Variants in RFT1 observed in about 807,000 individuals in gnomAD.
RFT1 encodes man(5)GlcNAc(2)-PP-dolichol translocation protein RFT1.
Under a neutral mutation model 62.2 loss-of-function variants are expected in RFT1, and 43 were observed. The observed-to-expected ratio is 0.69, with a 90% CI of 0.54 to 0.89. RFT1 has a LOEUF of 0.89. Ranked by LOEUF, RFT1 falls within the 40% of genes least tolerant of loss-of-function variation. The pLI, the probability that RFT1 is intolerant of heterozygous loss-of-function variation, is 0.00. For synonymous variants in RFT1, 262 were observed against 264.6 expected (o/e 0.99, Z 0.10); for missense variants, 605 against 649.9 (o/e 0.93, Z 0.75).
At position 53,092,605 on chromosome 3, in the gene RFT1, T is replaced by A; in HGVS notation, c.1222A>T (p.Met408Leu). The stretch of plus-strand genomic sequence containing the variant: ...AGGAATGAGGAGGACAGGGCCAGCA[T>A]CACAAAATTGTACCTGGGGAGGAGA... ...KEEVDRYNFV[M>L]LALSSSFLVL... is the part of the protein sequence containing the mutation. The change falls in exon 12 of 13, where the codon ATG becomes TTG. Residue 408 changes from methionine (M) to leucine (L), a missense_variant. By Grantham distance (15) the Met-to-Leu change is conservative. Coordinates refer to ENST00000296292, the MANE Select transcript of RFT1 (RefSeq NM_052859.4). 5 of 1,611,128 alleles carry A rather than the reference T, an allele frequency of 3.1e-6. No individual in the cohort carries two copies. The highest frequency in any genetic ancestry group is 4.2e-6 in the Non-Finnish European group (5 of 1,179,030).
At chr3:53,097,105 C>T (rs574878960) in intron 11 of RFT1, among the ~76,000 whole-genome samples, 2 of 152,286 alleles carry the variant, frequency 1.3e-5, no homozygotes, top group East Asian at 1.9e-4. Flanking sequence ...AAGTAAAATG[C>T]CTGCTTTTTT....
rs2564942 is a variant in RFT1 at position 53,105,490 on chromosome 3, C to T, written c.957+183G>A. On this transcript the variant is annotated intron_variant, in intron 9 of 12. Transcript: ENST00000296292. The stretch of plus-strand genomic sequence containing the variant: ...AAGGAAGGGACAGCCAAGAGCAAAG[C>T]AAGAAGGCCACGAAAGAAGAGGTGA... Among the ~76,000 whole-genome samples, 78,035 of 149,508 alleles carry T rather than the reference C, an allele frequency of 0.52. 21,732 individuals carry two copies. The highest frequency in any genetic ancestry group is 0.73 in the East Asian group (3,703 of 5,096).
chr3:53,091,680 A>C lies in RFT1; in HGVS notation c.*223T>G. On this transcript the variant is annotated 3_prime_UTR_variant, in exon 13 of 13. Coordinates refer to ENST00000296292, the MANE Select transcript of RFT1 (RefSeq NM_052859.4). ...AAAATGATAAAAAACTATTATTTTT[A>C]AAGGGCTTTTGGTCTTCACTTAAAA... 1.7e-6 allele frequency: 1 copy of C among 586,858 alleles called. No individual in the cohort carries two copies. Among genetic ancestry groups the C allele is most frequent in the Non-Finnish European group, 3.0e-6 (1 of 329,646 alleles). The allele number at this position is 586,858 out of a possible 1,614,324, so 36.4% of individuals were successfully genotyped here. A position where few individuals can be genotyped will look rare whatever the true frequency, so the allele number is the denominator to read the frequency against.
intron 6 of RFT1, among the ~76,000 whole-genome samples, chr3:53,112,418 C>T (rs1031463947): frequency 3.9e-5 from 6 of 152,146 alleles, no homozygotes; most frequent in Non-Finnish European, 7.3e-5. Flanking sequence ...GACAGAGGAA[C>T]GGAGAAAATA....
At chr3:53,086,343 T>A (rs548778147), downstream of RFT1, among the ~76,000 whole-genome samples, 41 of 152,016 alleles carry the variant, frequency 2.7e-4, no homozygotes, top group Non-Finnish European at 5.0e-4. Flanking sequence ...GGAAACAGAG[T>A]CTCGCTCTGT....
chr3:53,073,937 C>T, the RFT1 span, among the ~76,000 whole-genome samples: 1 of 152,210 alleles, frequency 6.6e-6, no homozygotes, highest in Non-Finnish European at 1.5e-5. Context: ...GCACACACTT[C>T]CTGCTTCCAA....
At chr3:53,125,247 A>G (rs1334672021) in intron 2 of RFT1, among the ~76,000 whole-genome samples, 1 of 152,250 alleles carries the variant, frequency 6.6e-6, no homozygotes, top group African/African-American at 2.4e-5. Flanking sequence ...TTATCAGGAC[A>G]TGAAGACACA....
rs367639242 is a variant in RFT1, at chr3:53,091,859, C to T, written c.*44G>A. 4 of 1,603,236 alleles carry T rather than the reference C, an allele frequency of 2.5e-6. No individual in the cohort carries two copies. In the African/African-American group the frequency reaches 5.3e-5, roughly 21 times the overall value. Reference sequence around the variant, plus strand: ...GAATGTGTTCCACCCACAGAACTACCCATAGCTGGTCCAGGTGCCTCGGGT... The same window carrying T: ...GAATGTGTTCCACCCACAGAACTACTCATAGCTGGTCCAGGTGCCTCGGGT... On this transcript the variant is annotated 3_prime_UTR_variant, in exon 13 of 13. Coordinates refer to ENST00000296292, the MANE Select transcript of RFT1 (RefSeq NM_052859.4).
rs191721175 is a variant in RFT1 at position 53,125,493 on chromosome 3, A to C, written c.149+416T>G. The stretch of plus-strand genomic sequence containing the variant: ...TTATAAAATCACTGAGGAGGGAAGG[A>C]AGGTGGCTGCTCCAGCCCTGCCATT... On this transcript the variant is annotated intron_variant, in intron 2 of 12. Transcript: ENST00000296292. Among the ~76,000 whole-genome samples, 75 of 150,918 alleles carry C rather than the reference A, an allele frequency of 5.0e-4. 1 individual carries two copies. The East Asian group carries it at 9.1e-3, about 18-fold the overall frequency.
the RFT1 span, among the ~76,000 whole-genome samples, chr3:53,074,857 G>C: frequency 4.7e-3 from 721 of 152,316 alleles, 8 homozygotes; most frequent in African/African-American, 0.017. Flanking sequence ...AAGAAGAGAA[G>C]CAGGCACCAA....
At chr3:53,088,470 A>G (rs1318305057), downstream of RFT1, 1 of 152,240 alleles carries the variant, frequency 6.6e-6, no homozygotes, top group Non-Finnish European at 1.5e-5. Context: ...AGGGGTATGA[A>G]AGAAGAAAGG....
intron 7 of RFT1, among the ~76,000 whole-genome samples, chr3:53,107,368 A>T (rs1427747691): frequency 6.6e-6 from 1 of 152,030 alleles, no homozygotes; most frequent in East Asian, 1.9e-4. Context: ...CGATCTCCTG[A>T]CCTCGTGATC....
At chr3:53,074,071 C>T in the RFT1 span, among the ~76,000 whole-genome samples, 23 of 152,286 alleles carry the variant, frequency 1.5e-4, no homozygotes, top group African/African-American at 5.5e-4. Flanking sequence ...GGGATGGGCC[C>T]TGGGGTCTCT....
At chr3:53,082,594 T>C in the RFT1 span, among the ~76,000 whole-genome samples, 6 of 152,250 alleles carry the variant, frequency 3.9e-5, no homozygotes, top group African/African-American at 1.2e-4. Context: ...CCCAGTTGTG[T>C]GGCTCAGGGA....
intron 11 of RFT1, among the ~76,000 whole-genome samples, chr3:53,098,643 A>C (rs950061002): frequency 6.6e-6 from 1 of 152,046 alleles, no homozygotes; most frequent in Non-Finnish European, 1.5e-5. Context: ...TCTACTAAAA[A>C]TACAAAAAAT....
At chr3:53,080,180 G>A in the RFT1 span, among the ~76,000 whole-genome samples, 1 of 152,338 alleles carries the variant, frequency 6.6e-6, no homozygotes, top group South Asian at 2.1e-4. Context: ...AACTAGCTGA[G>A]GCAATTTCTG....
rs758041098 is a variant in RFT1, at chr3:53,106,879, A to G, written c.776-10T>C. ...ATCACATATCGCTCGCCTATAAACAAAAAAGCAAAATAATTAGCAATGTCA... is the reference window on the plus strand; with the variant it reads ...ATCACATATCGCTCGCCTATAAACAGAAAAGCAAAATAATTAGCAATGTCA... On this transcript the variant is annotated splice_polypyrimidine_tract_variant and intron_variant, in intron 7 of 12. Coordinates refer to ENST00000296292, the MANE Select transcript of RFT1 (RefSeq NM_052859.4). 3.1e-6 allele frequency: 5 copies of G among 1,607,450 alleles called. No homozygotes were observed. The highest frequency in any genetic ancestry group is 3.3e-5 in the Admixed American group (2 of 59,978).
chr3:53,107,678 A>G (rs995989900), intron 7 of RFT1, among the ~76,000 whole-genome samples: 1 of 151,120 alleles, frequency 6.6e-6, no homozygotes, highest in African/African-American at 2.4e-5. Context: ...TCATGATTCA[A>G]ATTTAAGACA....
chr3:53,081,414 G>A, the RFT1 span, among the ~76,000 whole-genome samples: 5 of 152,158 alleles, frequency 3.3e-5, no homozygotes, highest in African/African-American at 9.7e-5. Flanking sequence ...GAACTACCTC[G>A]GCACGGGGAT....
Sources: gnomAD v4.1 joint callset for allele counts (sites outside exome capture counted in the v4.1 genomes callset) on GRCh38, gnomAD v4.1.1 for gene constraint, MANE v1.5 for transcripts, NCBI Gene and HGNC (gene_info 2026-07-23, HGNC 2026-07-21) for gene names.